The following MACROD2 variants were observed in gnomAD, a reference collection of about 807,000 sequenced individuals.
MACROD2 encodes ADP-ribose glycohydrolase MACROD2.
MACROD2 carries 36 observed loss-of-function variants against 70.4 expected under a neutral mutation model. That is an observed-to-expected ratio of 0.51 (90% CI 0.39 to 0.68). MACROD2 has a LOEUF of 0.68. Among genes scored for constraint, MACROD2 ranks in the 30% least tolerant of loss-of-function variants. The probability of loss-of-function intolerance (pLI) is 0.00; values close to 1 mark genes in which losing one functional copy is unlikely to be tolerated. For synonymous variants in MACROD2, 172 were observed against 178.8 expected, an observed-to-expected ratio of 0.96 and a Z score of 0.30; for missense variants, 496 against 538.4, an observed-to-expected ratio of 0.92 and a Z score of 0.78.
intron 8 of MACROD2, among the ~76,000 whole-genome samples, chr20:15,813,570 G>C (rs565744644): frequency 6.6e-6 from 1 of 152,304 alleles, no homozygotes; most frequent in South Asian, 2.1e-4. Flanking sequence ...TTGAGCTCAT[G>C]AGTTCAAGAC....
intron 5 of MACROD2, among the ~76,000 whole-genome samples, chr20:14,786,216 G>GAGAGACAGAGAGAGAGAGAGAC (rs200364573): frequency 6.6e-6 from 1 of 151,494 alleles, no homozygotes; most frequent in East Asian, 1.9e-4. Context: ...GAGAGAGAGA[G>GAGAGACAGAGAGAGAGAGAGAC]AGAGAGAGAG....
At chr20:15,875,351 C>G (rs984895254) in intron 9 of MACROD2, among the ~76,000 whole-genome samples, 1 of 151,996 alleles carries the variant, frequency 6.6e-6, no homozygotes, top group African/African-American at 2.4e-5. Flanking sequence ...TAGAGAAAAA[C>G]TAGAGTAAAA....
chr20:15,879,777 C>G (rs1413610223), intron 9 of MACROD2, among the ~76,000 whole-genome samples: 2 of 152,088 alleles, frequency 1.3e-5, no homozygotes, highest in African/African-American at 4.8e-5. Context: ...GTCCCAAGAT[C>G]TGCAGTTGGC....
At chr20:14,694,950 C>T (rs192539495) in intron 5 of MACROD2, among the ~76,000 whole-genome samples, 2 of 152,204 alleles carry the variant, frequency 1.3e-5, no homozygotes, top group Admixed American at 6.5e-5. Flanking sequence ...TTAAACATGG[C>T]CTGGACCTAA....
chr20:15,486,495 C>T (rs542517837), intron 7 of MACROD2, among the ~76,000 whole-genome samples: 12 of 152,292 alleles, frequency 7.9e-5, no homozygotes, highest in African/African-American at 2.9e-4. Context: ...GTAGACTTAT[C>T]CCCTCTTATA....
chr20:15,711,864 G>T (rs2050634285), intron 8 of MACROD2, among the ~76,000 whole-genome samples: 2 of 152,148 alleles, frequency 1.3e-5, no homozygotes, highest in Non-Finnish European at 2.9e-5. Flanking sequence ...AACTGCGACA[G>T]GGGTGGGCAC....
Position 15,384,179 on chromosome 20 carries a change from T to C in MACROD2, c.541-47226T>C, listed in dbSNP as rs574899130. On this transcript the variant is annotated intron_variant, in intron 6 of 17. Transcript: ENST00000684519. Reference sequence around the variant, plus strand: ...TTAATGGACATTAACCCATAGTGCATAGCCTTCAGGTAACACAGTTGGTGA... The same window carrying C: ...TTAATGGACATTAACCCATAGTGCACAGCCTTCAGGTAACACAGTTGGTGA... Among the ~76,000 whole-genome samples the C allele has an allele frequency of 7.2e-5, 11 of 152,304 alleles. 1 individual carries two copies. In the South Asian group the frequency reaches 1.7e-3, roughly 23 times the overall value.
intron 12 of MACROD2, among the ~76,000 whole-genome samples, chr20:15,942,140 C>G (rs2065759190): frequency 6.6e-6 from 1 of 152,136 alleles, no homozygotes; most frequent in Non-Finnish European, 1.5e-5. Context: ...CACTGGGAAC[C>G]AGGAACCCAT....
At position 15,250,671 on chromosome 20, in the gene MACROD2, G is replaced by A. The variant is rs184081365; in HGVS notation, c.540+20610G>A. Among the ~76,000 whole-genome samples, 817 of 152,182 alleles carry A rather than the reference G, an allele frequency of 5.4e-3. 8 individuals are homozygous for A. Among genetic ancestry groups the A allele is most frequent in the African/African-American group, 0.018 (768 of 41,530 alleles). ...TTGCATATGCCATCCTCTGTGTTTA[G>A]GGGGATCTTCCTTCTCCCTTCACCT... On this transcript the variant is annotated intron_variant, in intron 6 of 17. Coordinates refer to ENST00000684519, the MANE Select transcript of MACROD2 (RefSeq NM_001351661.2).
chr20:14,438,830 G>T (rs184768623), intron 3 of MACROD2, among the ~76,000 whole-genome samples: 74 of 152,190 alleles, frequency 4.9e-4, no homozygotes, highest in Non-Finnish European at 8.1e-4. Flanking sequence ...CTGTTGCAGG[G>T]TTTACAGTTT....
chr20:15,121,418 G>A (rs2076029292), intron 5 of MACROD2, among the ~76,000 whole-genome samples: 1 of 150,260 alleles, frequency 6.7e-6, no homozygotes, highest in Non-Finnish European at 1.5e-5. Context: ...GAGGCTGAGA[G>A]AGGAGAATCG....
At position 16,000,442 on chromosome 20, in the gene MACROD2, GTCT is replaced by G. The variant is rs2066694200; in HGVS notation, c.1153+13286_1153+13288del. On this transcript the variant is annotated intron_variant, in intron 15 of 17. Transcript: ENST00000684519. ...CCTTAAAGGGGCCCCAAGGTAGCAT[GTCT>G]TGGGCCTCAAGTATTTCAGGCCATA... 2.0e-5 allele frequency among the ~76,000 whole-genome samples: 3 copies of G among 152,272 alleles called. No individual in the cohort carries two copies. In the East Asian group the frequency reaches 5.8e-4, roughly 29 times the overall value.
intron 10 of MACROD2, among the ~76,000 whole-genome samples, chr20:15,918,212 G>A (rs1030704698): frequency 9.9e-5 from 15 of 152,122 alleles, no homozygotes; most frequent in Middle Eastern, 3.2e-3. Flanking sequence ...TTTAATTGGC[G>A]TTAATAGGAC....
intron 3 of MACROD2, among the ~76,000 whole-genome samples, chr20:14,301,147 A>C (rs1303274775): frequency 6.6e-6 from 1 of 152,172 alleles, no homozygotes. Flanking sequence ...TCACACACCT[A>C]GTAGGTGGTA....
chr20:15,356,352 T>C (rs2078287060), intron 6 of MACROD2, among the ~76,000 whole-genome samples: 2 of 152,224 alleles, frequency 1.3e-5, no homozygotes, highest in African/African-American at 4.8e-5. Context: ...CAATAAATGT[T>C]CTCAAAAGTA....
intron 4 of MACROD2, among the ~76,000 whole-genome samples, chr20:14,582,131 A>C (rs1013739959): frequency 1.3e-5 from 2 of 152,148 alleles, no homozygotes; most frequent in Admixed American, 6.5e-5. Flanking sequence ...TGAATAAACT[A>C]TCTGTGCACA....
intron 2 of MACROD2, among the ~76,000 whole-genome samples, chr20:14,020,602 G>C (rs2053062402): frequency 6.6e-6 from 1 of 152,146 alleles, no homozygotes; most frequent in South Asian, 2.1e-4. Context: ...ACTATTATGT[G>C]GTAACTCTGG....
In MACROD2 at chr20:14,831,712, G is replaced by A. The variant is rs564489941; in HGVS notation, c.418+146753G>A. Reference sequence around the variant, plus strand: ...GGAGAATCGCTTGAACCGGGAAGGCGGAGGTTGCAGTGAGCTGAGATCGCG... The same window carrying A: ...GGAGAATCGCTTGAACCGGGAAGGCAGAGGTTGCAGTGAGCTGAGATCGCG... On this transcript the variant is annotated intron_variant, in intron 5 of 17. Coordinates refer to ENST00000684519, the MANE Select transcript of MACROD2 (RefSeq NM_001351661.2). Among the ~76,000 whole-genome samples the A allele has an allele frequency of 2.1e-5, 3 of 144,408 alleles. No individual in the cohort carries two copies. In the South Asian group the frequency reaches 6.8e-4, roughly 32 times the overall value. 94.7% of individuals were successfully genotyped at this position (144,408 alleles called of 152,430 possible).
chr20:14,093,218 T>C (rs910490157), intron 3 of MACROD2, among the ~76,000 whole-genome samples: 7 of 151,878 alleles, frequency 4.6e-5, no homozygotes, highest in Admixed American at 4.6e-4. Flanking sequence ...GTGCTAGGAC[T>C]ACAAGCACGT....
Sources: allele counts gnomAD v4.1 joint callset (sites outside exome capture counted in the v4.1 genomes callset), GRCh38; gene constraint gnomAD v4.1.1; transcripts MANE v1.5; gene names NCBI Gene and HGNC (gene_info 2026-07-23, HGNC 2026-07-21).